The following KDM4C variants were observed in gnomAD, a reference collection of about 807,000 sequenced individuals.
The protein encoded by KDM4C is lysine demethylase 4C.
Under a neutral mutation model 129.3 loss-of-function variants are expected in KDM4C, and 81 were observed. The observed-to-expected ratio is 0.63, with a 90% confidence interval of 0.52 to 0.75. KDM4C has a LOEUF of 0.75. Among genes scored for constraint, KDM4C ranks in the 30% least tolerant of loss-of-function variants. The probability of loss-of-function intolerance (pLI) is 0.00; values close to 1 mark genes in which losing one functional copy is unlikely to be tolerated. For synonymous variants in KDM4C, 573 were observed against 456.1 expected (o/e 1.26, Z -3.26); for missense variants, 1,457 against 1,304.0 (o/e 1.12, Z -1.81).
rs190189234 is a variant in KDM4C at position 7,033,636 on chromosome 9, T to C, written c.2260-13226T>C. 2.5e-3 allele frequency among the ~76,000 whole-genome samples: 374 copies of C among 152,338 alleles called. 8 individuals carry two copies. In the East Asian group the frequency reaches 0.026, roughly 11 times the overall value. On this transcript the variant is annotated intron_variant, in intron 15 of 21. Transcript: ENST00000381309. ...ATCATTTTTCTCTGTTCTTTCCTCTTTCTTTTGCTCAATAACACCCCCCAC... is the reference window on the plus strand; with the variant it reads ...ATCATTTTTCTCTGTTCTTTCCTCTCTCTTTTGCTCAATAACACCCCCCAC...
chr9:6,965,696 A>G (rs1830839381), intron 8 of KDM4C, among the ~76,000 whole-genome samples: 1 of 152,200 alleles, frequency 6.6e-6, no homozygotes, highest in East Asian at 1.9e-4. Context: ...ATGCAGTCAG[A>G]CAAACAGGTC....
At chr9:6,798,412 G>T (rs1287107714) in intron 2 of KDM4C, among the ~76,000 whole-genome samples, 18 of 151,970 alleles carry the variant, frequency 1.2e-4, no homozygotes, top group African/African-American at 4.4e-4. Flanking sequence ...GTGTCCCTGG[G>T]TACTTGAGAT....
intron 15 of KDM4C, among the ~76,000 whole-genome samples, chr9:7,045,071 G>T (rs186603443): frequency 8.0e-4 from 122 of 152,074 alleles, no homozygotes; most frequent in African/African-American, 2.8e-3. Context: ...TCTTGTGATG[G>T]TGGAGAATCT....
chr9:7,015,690 C>T (rs1485936125), intron 14 of KDM4C, among the ~76,000 whole-genome samples, 163 bp from the exon 15 acceptor site: 1 of 152,114 alleles, frequency 6.6e-6, no homozygotes, highest in East Asian at 1.9e-4. Context: ...TGTTAGTTAT[C>T]AGTAAGACTC....
At chr9:6,879,966 T>A (rs368113352) in intron 5 of KDM4C, 46 bp from the exon 6 acceptor site, 2 of 1,034,240 alleles carry the variant, frequency 1.9e-6, no homozygotes, top group Non-Finnish European at 1.4e-6. Context: ...GGCTACTAGC[T>A]GAAAAATTAT....
chr9:7,128,007 G>T (rs891073622), intron 18 of KDM4C, 59 bp from the exon 19 acceptor site: 21 of 1,256,012 alleles, frequency 1.7e-5, no homozygotes, highest in South Asian at 1.4e-4. Flanking sequence ...TTTATTTTAC[G>T]TCCTTTCTTT....
intron 17 of KDM4C, among the ~76,000 whole-genome samples, chr9:7,071,703 A>G (rs1354579807): frequency 6.6e-6 from 1 of 152,192 alleles, no homozygotes; most frequent in African/African-American, 2.4e-5. Flanking sequence ...GTTTTACGTC[A>G]CAAAAGCCCT....
At chr9:6,746,730 C>T (rs2130285188) in intron 1 of KDM4C, among the ~76,000 whole-genome samples, 1 of 150,596 alleles carries the variant, frequency 6.6e-6, no homozygotes, top group East Asian at 2.0e-4. Flanking sequence ...AAAAACAGGC[C>T]AGGCGCGGTG....
intron 3 of KDM4C, among the ~76,000 whole-genome samples, chr9:6,811,425 C>G (rs11998935): frequency 2.2e-4 from 33 of 152,054 alleles, no homozygotes; most frequent in African/African-American, 8.0e-4. Flanking sequence ...GTGCTGGGAT[C>G]TTTCCATTCA....
intron 5 of KDM4C, among the ~76,000 whole-genome samples, chr9:6,862,687 A>C (rs949919855): frequency 2.6e-5 from 4 of 152,122 alleles, no homozygotes; most frequent in African/African-American, 9.7e-5. Context: ...CGTGCCTGTA[A>C]TCCCAGCTAC....
At chr9:6,920,269 C>G (rs553657502) in intron 8 of KDM4C, among the ~76,000 whole-genome samples, 1 of 152,046 alleles carries the variant, frequency 6.6e-6, no homozygotes, top group Admixed American at 6.5e-5. Flanking sequence ...CCCATGGGGT[C>G]AGTCTGAAAA....
rs1320947528 is a variant in KDM4C, at chr9:6,757,978, C to T, written c.-243C>T. On this transcript the variant is annotated 5_prime_UTR_variant, in exon 1 of 22. Coordinates refer to ENST00000381309, the MANE Select transcript of KDM4C (RefSeq NM_015061.6). ...GCGCGCGCCCTCGCGCAGGGAGAGC[C>T]GGCGGTGCGCGCGCCTTCGCCGCTG... The T allele has an allele frequency of 1.2e-5, 12 of 985,268 alleles. No homozygotes were observed. The Admixed American group carries it at 2.5e-4, about 20-fold the overall frequency. The allele number at this position is 985,268 out of a possible 1,614,324, so 61.0% of individuals were successfully genotyped here.
intron 7 of KDM4C, among the ~76,000 whole-genome samples, chr9:6,890,101 C>T (rs368412869): frequency 2.0e-5 from 3 of 152,186 alleles, no homozygotes. Flanking sequence ...CTTTCCACCT[C>T]AACACAGGGC....
intron 1 of KDM4C, among the ~76,000 whole-genome samples, chr9:6,780,814 G>C (rs1252598399): frequency 6.8e-6 from 1 of 146,682 alleles, no homozygotes; most frequent in African/African-American, 2.5e-5. Flanking sequence ...ATCATATTTG[G>C]AATGTCTCAT....
At chr9:6,913,738 A>G (rs578221913) in intron 8 of KDM4C, among the ~76,000 whole-genome samples, 55 of 152,366 alleles carry the variant, frequency 3.6e-4, no homozygotes, top group African/African-American at 1.3e-3. Flanking sequence ...GATAATCCAT[A>G]TAAGCAGAAT....
intron 2 of KDM4C, among the ~76,000 whole-genome samples, chr9:6,800,860 T>C (rs1313268838): frequency 6.6e-6 from 1 of 152,202 alleles, no homozygotes; most frequent in African/African-American, 2.4e-5. Flanking sequence ...ATTCCTGAGC[T>C]CTAGTTATCC....
intron 8 of KDM4C, among the ~76,000 whole-genome samples, chr9:6,903,138 G>T (rs767502462): frequency 6.6e-6 from 1 of 151,898 alleles, no homozygotes; most frequent in African/African-American, 2.4e-5. Flanking sequence ...TAAAATTTTC[G>T]TAAAAGGTAT....
At chr9:6,792,893 G>C in intron 1 of KDM4C, 79 bp from the exon 2 acceptor site, 3 of 1,375,900 alleles carry the variant, frequency 2.2e-6, no homozygotes, top group Non-Finnish European at 3.1e-6. Flanking sequence ...CCTGCTGGGG[G>C]AGCTGACATA....
At chr9:7,129,088 C>T (rs1840339910) in intron 19 of KDM4C, among the ~76,000 whole-genome samples, 1 of 151,916 alleles carries the variant, frequency 6.6e-6, no homozygotes, top group African/African-American at 2.4e-5. Context: ...GGGAGCTGAC[C>T]CTTAATAATG....
Sources: allele counts gnomAD v4.1 joint callset (sites outside exome capture counted in the v4.1 genomes callset), GRCh38; gene constraint gnomAD v4.1.1; transcripts MANE v1.5; gene names NCBI Gene and HGNC (gene_info 2026-07-23, HGNC 2026-07-21).